Variants in KCNMB3 observed in about 807,000 individuals in gnomAD.
KCNMB3 encodes calcium-activated potassium channel subunit beta-3.
In KCNMB3, 18 loss-of-function variants were observed where a neutral mutation model predicts 11.9. That is an observed-to-expected ratio of 1.51 (90% confidence interval 1.04 to 2.23). The LOEUF (loss-of-function observed/expected upper bound fraction) is 2.23, where lower values mean the gene tolerates loss of function less well. Among genes scored for constraint, KCNMB3 ranks in the 30% most tolerant of loss-of-function variants. The probability of loss-of-function intolerance (pLI) is 0.00; values close to 1 mark genes in which losing one functional copy is unlikely to be tolerated. For missense variants in KCNMB3, 247 were observed against 329.4 expected, an observed-to-expected ratio of 0.75 and a Z score of 1.94; for synonymous variants, 78 against 119.2, an observed-to-expected ratio of 0.65 and a Z score of 2.25.
chr3:179,260,184 G>C lies in KCNMB3; in HGVS notation c.62+6465C>G, dbSNP rs546694590. On this transcript the variant is annotated intron_variant, in intron 1 of 3. Coordinates refer to the KCNMB3 transcript ENST00000349697. ...CACCGCTGCCTCTCCCACATTCTCT[G>C]TGTGGCTCCCACCATCTAAGTCACT... The C allele has an allele frequency of 2.3e-4, 368 of 1,612,826 alleles. 6 individuals carry two copies. In the South Asian group the frequency reaches 3.7e-3, roughly 16 times the overall value.
chr3:179,262,813 A>G (rs1726262433), intron 1 of KCNMB3, among the ~76,000 whole-genome samples: 1 of 152,234 alleles, frequency 6.6e-6, no homozygotes, highest in Non-Finnish European at 1.5e-5. Context: ...CCACCAGAGT[A>G]GCTAGATACA....
intron 1 of KCNMB3, among the ~76,000 whole-genome samples, chr3:179,245,514 T>G (rs28653701): frequency 0.13 from 19,009 of 145,034 alleles, 1,477 homozygotes; most frequent in Non-Finnish European, 0.19. Context: ...TTAATTTTTT[T>G]GGGGGGGGGG....
intron 1 of KCNMB3, chr3:179,258,925 T>G (rs1468121184): frequency 6.2e-7 from 1 of 1,612,932 alleles, no homozygotes; most frequent in Non-Finnish European, 8.5e-7. Flanking sequence ...TGCATCTCTA[T>G]GAATTTAGAA....
chr3:179,241,378 T>C (rs533703436), downstream of KCNMB3: 2 of 154,498 alleles, frequency 1.3e-5, no homozygotes, highest in Admixed American at 1.3e-4. Context: ...ACATGTTCTT[T>C]CCACCATTGC....
At chr3:179,262,559 T>C (rs191162160) in intron 1 of KCNMB3, among the ~76,000 whole-genome samples, 71 of 152,354 alleles carry the variant, frequency 4.7e-4, no homozygotes, top group African/African-American at 1.5e-3. Context: ...GAAAGGGACC[T>C]GAGCAGGTTG....
At chr3:179,264,420 C>T (rs1218515531) in intron 1 of KCNMB3, among the ~76,000 whole-genome samples, 1 of 152,108 alleles carries the variant, frequency 6.6e-6, no homozygotes, top group Admixed American at 6.5e-5. Flanking sequence ...GCTTTCTAGT[C>T]AGGAAGATGG....
chr3:179,260,788 T>C lies in KCNMB3; in HGVS notation c.62+5861A>G. On this transcript the variant is annotated intron_variant, in intron 1 of 3. Transcript: ENST00000349697. ...GGGCGTGTTTTTCCCTTTCAAATTATTTGTTTTTCTCTTCGTACTGCCGCC... is the reference window on the plus strand; with the variant it reads ...GGGCGTGTTTTTCCCTTTCAAATTACTTGTTTTTCTCTTCGTACTGCCGCC... 4.2e-6 allele frequency: 6 copies of C among 1,416,612 alleles called. No homozygotes were observed. The Admixed American group carries it at 6.8e-5, about 16-fold the overall frequency. The allele number at this position is 1,416,612 out of a possible 1,614,324, so 87.8% of individuals were successfully genotyped here.
chr3:179,262,653 C>T (rs1726257645), intron 1 of KCNMB3, among the ~76,000 whole-genome samples: 1 of 152,080 alleles, frequency 6.6e-6, no homozygotes, highest in African/African-American at 2.4e-5. Flanking sequence ...TACAGAGAGC[C>T]GATTGGTCCA....
At chr3:179,251,449 A>C (rs1406917381), upstream of KCNMB3, 4 of 1,411,878 alleles carry the variant, frequency 2.8e-6, no homozygotes, top group African/African-American at 5.8e-5. Context: ...TGCCCAGTCC[A>C]CTCAGAATTA....
rs570868219 is a variant in KCNMB3, at chr3:179,242,998, C to T, written c.734G>A (p.Arg245Lys). Residue 245 changes from arginine to lysine, a missense_variant, in exon 3 of 3, where the codon AGA (arginine) becomes AAA (lysine). Around this residue, in one of 2 missense-constraint regions of KCNMB3, gnomAD observed 87 missense variants for 171.9 expected, o/e 0.51. Transcript: ENST00000392685. ...LLCEKYSTVV[R>K]DEVGGKVPYI... ...AGGTACTTTTCCACCTACCTCATCT[C>T]TGACTACAGTGCTATATTTTTCACA... 9.4e-5 allele frequency: 150 copies of T among 1,601,602 alleles called. No individual in the cohort carries two copies. In the East Asian group the frequency reaches 3.3e-3, roughly 35 times the overall value.
At chr3:179,261,197 C>G in intron 1 of KCNMB3, 1 of 1,349,256 alleles carries the variant, frequency 7.4e-7, no homozygotes, top group South Asian at 1.5e-5. Context: ...TGCGGCGAGC[C>G]GGGCCTCCGC....
Position 179,243,005 on chromosome 3 carries a change from C to T in KCNMB3, c.727G>A (p.Val243Ile). 1 of 1,594,870 alleles carries T rather than the reference C, an allele frequency of 6.3e-7. No individual in the cohort carries two copies. The highest frequency in any genetic ancestry group is 8.5e-7 in the Non-Finnish European group (1 of 1,173,026). ...LSLLCEKYST[V>I]VRDEVGGKVP... ...TTTCCACCTACCTCATCTCTGACTACAGTGCTATATTTTTCACACAGTAAG... is the reference window on the plus strand; with the variant it reads ...TTTCCACCTACCTCATCTCTGACTATAGTGCTATATTTTTCACACAGTAAG... Residue 243 changes from valine to isoleucine, a missense_variant, in exon 3 of 3, where the codon GTA (valine) becomes ATA (isoleucine). Coordinates refer to ENST00000392685, the MANE Select transcript of KCNMB3 (RefSeq NM_171830.2).
rs769475263 is a variant in KCNMB3 at position 179,251,016 on chromosome 3, T to C, written c.-26A>G. On this transcript the variant is annotated 5_prime_UTR_variant, in exon 1 of 3. Transcript: ENST00000392685. ...TTCCAATCCATGGGGACTGGAGGGA[T>C]AATCTCATTTGCTGCCTACCTGTGT... 6.2e-7 allele frequency: 1 copy of C among 1,614,208 alleles called. No homozygotes were observed. The highest frequency in any genetic ancestry group is 1.1e-5 in the South Asian group (1 of 91,082).
In KCNMB3 at chr3:179,242,788, A is replaced by C; in HGVS notation, c.*116T>G. On this transcript the variant is annotated 3_prime_UTR_variant, in exon 3 of 3. Transcript: ENST00000392685. ...CTTTTAAATTTTTTCCCACATGAAA[A>C]TATGATACTTTAATTATTACCTTTT... The C allele has an allele frequency of 7.0e-7, 1 of 1,423,718 alleles. No homozygotes were observed. The highest frequency in any genetic ancestry group is 9.3e-7 in the Non-Finnish European group (1 of 1,079,988). 88.2% of individuals were successfully genotyped at this position (1,423,718 alleles called of 1,614,324 possible).
downstream of KCNMB3, chr3:179,239,741 C>G (rs1348558778): frequency 2.6e-6 from 1 of 385,444 alleles, no homozygotes; most frequent in Admixed American, 4.4e-5. Flanking sequence ...TCGAACCACC[C>G]TTTTGGCCCC....
At chr3:179,253,805 C>CA (rs935033563), upstream of KCNMB3, among the ~76,000 whole-genome samples, 72 of 143,978 alleles carry the variant, frequency 5.0e-4, 1 homozygote, top group South Asian at 8.8e-4. Flanking sequence ...GACTCCATCT[C>CA]AAAAAAAAAA....
chr3:179,254,704 G>C (rs1725955410), upstream of KCNMB3, among the ~76,000 whole-genome samples: 1 of 152,102 alleles, frequency 6.6e-6, no homozygotes, highest in African/African-American at 2.4e-5. Context: ...TCTAGCTGCT[G>C]CGGCAGGAGA....
downstream of KCNMB3, chr3:179,240,571 CAT>C (rs1011671246): frequency 6.6e-6 from 1 of 152,102 alleles, no homozygotes; most frequent in African/African-American, 2.4e-5. Flanking sequence ...TGCACATAGG[CAT>C]TAACAACTTA....
At chr3:179,249,539 G>A (rs1321973646) in intron 1 of KCNMB3, among the ~76,000 whole-genome samples, 1 of 151,848 alleles carries the variant, frequency 6.6e-6, no homozygotes, top group Admixed American at 6.6e-5. Flanking sequence ...TGGGCATGGT[G>A]GCAGGCGCCT....
Sources: gnomAD v4.1 joint callset for allele counts (sites outside exome capture counted in the v4.1 genomes callset) on GRCh38, gnomAD v4.1.1 for gene constraint, gnomAD v4.1.1 regional missense constraint, MANE v1.5 for transcripts, NCBI Gene and HGNC (gene_info 2026-07-23, HGNC 2026-07-21) for gene names.